The following PMPCB variants were observed in gnomAD, a reference collection of about 807,000 sequenced individuals.
PMPCB encodes the protein peptidase, mitochondrial processing subunit beta.
A neutral mutation model predicts 61.5 loss-of-function variants in PMPCB; 46 were observed. The ratio of observed to expected loss-of-function variants is 0.75; its 90% CI spans 0.59 to 0.96. The LOEUF is 0.96. Ranked by LOEUF, PMPCB falls within the 40% of genes least tolerant of loss-of-function variation. The pLI is 0.00. For synonymous variants in PMPCB, 191 were observed against 201.6 expected, an observed-to-expected ratio of 0.95 and a Z score of 0.44; for missense variants, 590 against 602.4, an observed-to-expected ratio of 0.98 and a Z score of 0.22.
At chr7:103,325,392 G>C (rs541898394) in intron 12 of PMPCB, among the ~76,000 whole-genome samples, 1 of 151,862 alleles carries the variant, frequency 6.6e-6, no homozygotes, top group Admixed American at 6.6e-5. Flanking sequence ...AGCCGAGATT[G>C]TGCCACTGCA....
At position 103,327,285 on chromosome 7, in the gene PMPCB, A is replaced by G. The variant is rs753592099; in HGVS notation, c.*1432-1646A>G. The G allele has an allele frequency of 6.2e-5, 28 of 452,494 alleles. No individual in the cohort carries two copies. In the South Asian group the frequency reaches 8.8e-4, roughly 14 times the overall value. 28.0% of individuals were successfully genotyped at this position (452,494 alleles called of 1,614,324 possible). A position where few individuals can be genotyped will look rare whatever the true frequency, so the allele number is the denominator to read the frequency against. On this transcript the variant is annotated intron_variant and NMD_transcript_variant, in intron 12 of 12. Transcript: ENST00000444457. Reference sequence around the variant, plus strand: ...TTAGTCCCATAAAGCATCTGAAACGAAAAAAAAAAAAATCTTAGTATTCTC... The same window carrying G: ...TTAGTCCCATAAAGCATCTGAAACGGAAAAAAAAAAAATCTTAGTATTCTC...
chr7:103,317,775 C>T (rs924858356), downstream of PMPCB, among the ~76,000 whole-genome samples: 1 of 152,068 alleles, frequency 6.6e-6, no homozygotes, highest in Non-Finnish European at 1.5e-5. Context: ...CTCAGCCTCC[C>T]AAGTAGCTGG....
the PMPCB span, chr7:103,344,156 G>A: frequency 3.5e-5 from 7 of 199,204 alleles, no homozygotes; most frequent in Non-Finnish European, 7.1e-5. Context: ...GAGGGAGAAA[G>A]TTGTTTAAGA....
intron 1 of PMPCB, 176 bp downstream of exon 1, chr7:103,297,734 G>A: frequency 6.5e-7 from 1 of 1,534,274 alleles, no homozygotes. Context: ...ACTGGCTTGT[G>A]GCCACCCGCC....
intron 12 of PMPCB, among the ~76,000 whole-genome samples, chr7:103,328,397 G>A (rs919349906): frequency 2.6e-5 from 4 of 151,922 alleles, no homozygotes; most frequent in Admixed American, 2.0e-4. Flanking sequence ...TTGGGAGGCC[G>A]AGCTGGGAGG....
At position 103,300,273 on chromosome 7, in the gene PMPCB, C is replaced by G. The variant is rs1366756089; in HGVS notation, c.423C>G (p.Tyr141Ter). ...NAYTSREQTV[Y>*]YAKAFSKDLP... ...ATACCTCCAGAGAGCAGACTGTATA[C>G]TATGCCAAAGCATTCTCTAAAGACT... is the stretch of plus-strand genomic sequence containing the variant. Residue 141 changes from tyrosine (Y) to a stop codon, truncating the protein, a stop_gained, in exon 4 of 13, where the codon TAC (tyrosine) becomes TAG (stop). Coordinates refer to ENST00000249269, the MANE Select transcript of PMPCB (RefSeq NM_004279.3). LOFTEE classifies it high-confidence loss of function. The G allele has an allele frequency of 6.2e-7, 1 of 1,610,486 alleles. No homozygotes were observed. Among genetic ancestry groups the G allele is most frequent in the Non-Finnish European group, 8.5e-7 (1 of 1,177,746 alleles).
chr7:103,336,221 T>C, the PMPCB span: 1 of 152,242 alleles, frequency 6.6e-6, no homozygotes, highest in Non-Finnish European at 1.5e-5. Flanking sequence ...TTACAATTTA[T>C]TGCACATTTT....
At chr7:103,344,783 G>T in the PMPCB span, 1 of 682,148 alleles carries the variant, frequency 1.5e-6, no homozygotes, top group South Asian at 1.7e-5. Flanking sequence ...CTTCCGGGAT[G>T]GATCTTTCGT....
At chr7:103,325,700 C>A (rs1490147365) in intron 12 of PMPCB, among the ~76,000 whole-genome samples, 1 of 152,086 alleles carries the variant, frequency 6.6e-6, no homozygotes, top group Non-Finnish European at 1.5e-5. Flanking sequence ...TTTAAGGGAA[C>A]CTGCCAATGC....
At chr7:103,298,471 C>A in intron 1 of PMPCB, 97 bp from the exon 2 acceptor site, 1 of 1,183,440 alleles carries the variant, frequency 8.4e-7, no homozygotes, top group Non-Finnish European at 1.2e-6. Flanking sequence ...TTTATAGAGA[C>A]AGCCTATTTA....
At chr7:103,341,570 T>C in the PMPCB span, among the ~76,000 whole-genome samples, 1 of 152,216 alleles carries the variant, frequency 6.6e-6, no homozygotes, top group Non-Finnish European at 1.5e-5. Context: ...TGTGAACTCT[T>C]CCTGGATTTC....
intron 4 of PMPCB, among the ~76,000 whole-genome samples, chr7:103,303,530 C>T (rs1025387714): frequency 8.5e-5 from 13 of 152,192 alleles, no homozygotes; most frequent in Admixed American, 3.3e-4. Context: ...ATATATATAA[C>T]TTTGTAATTT....
At chr7:103,336,660 G>A in the PMPCB span, 2 of 152,164 alleles carry the variant, frequency 1.3e-5, no homozygotes, top group Non-Finnish European at 2.9e-5. Context: ...CTATTCTTTC[G>A]TATAGTAAAA....
Position 103,311,813 on chromosome 7 carries a change from A to G in PMPCB, c.1246A>G (p.Thr416Ala), listed in dbSNP as rs184313811. The G allele has an allele frequency of 3.7e-6, 6 of 1,611,404 alleles. No individual in the cohort carries two copies. In the Admixed American group the frequency reaches 5.0e-5, roughly 13 times the overall value. The change falls in exon 11 of 13, where the codon ACT (threonine) becomes GCT (alanine). Residue 416 changes from threonine to alanine, a missense_variant. Physicochemically the swap from Thr to Ala is moderately conservative, Grantham distance 58. Transcript: ENST00000249269. Reference protein sequence around the residue: ...TNMLLQLDGSTPICEDIGRQM... With the variant: ...TNMLLQLDGSAPICEDIGRQM... The stretch of plus-strand genomic sequence containing the variant: ...TTTTCCTTCTCTTTAAACAGGTTCA[A>G]CTCCAATTTGTGAAGATATTGGTAG...
rs774591084 is a variant in PMPCB, at chr7:103,311,918, T to C, written c.1329+22T>C. On this transcript the variant is annotated intron_variant, in intron 11 of 12. Coordinates refer to ENST00000249269, the MANE Select transcript of PMPCB (RefSeq NM_004279.3). ...TGATGTAAGTAGTCCTGAGTTACTA[T>C]TGGGTCATGTGTAAAAAGATCCTTG... 3.9e-6 allele frequency: 6 copies of C among 1,542,270 alleles called. No individual in the cohort carries two copies. In the East Asian group the frequency reaches 6.7e-5, roughly 17 times the overall value.
intron 12 of PMPCB, among the ~76,000 whole-genome samples, chr7:103,328,053 T>C (rs919321009): frequency 6.6e-6 from 1 of 152,040 alleles, no homozygotes; most frequent in Non-Finnish European, 1.5e-5. Flanking sequence ...CTGGAGTAAC[T>C]GGGGTTACAG....
rs777662492 is a variant in PMPCB at position 103,312,896 on chromosome 7, C to G, written c.*625C>G. 46 of 1,576,482 alleles carry G rather than the reference C, an allele frequency of 2.9e-5. No individual in the cohort carries two copies. The highest frequency in any genetic ancestry group is 3.5e-5 in the Non-Finnish European group (41 of 1,166,548). ...TAGACATAAAATATGAGCTATATCA[C>G]CCAAGCTACAATTTAAAATACAACA... On this transcript the variant is annotated 3_prime_UTR_variant, in exon 13 of 13. Transcript: ENST00000249269.
At chr7:103,343,530 G>A in the PMPCB span, among the ~76,000 whole-genome samples, 1 of 152,176 alleles carries the variant, frequency 6.6e-6, no homozygotes, top group African/African-American at 2.4e-5. Context: ...GTCTTCACCT[G>A]TAAAATGGGA....
chr7:103,313,360 C>A lies in PMPCB; in HGVS notation c.*1089C>A. 8.8e-7 allele frequency: 1 copy of A among 1,140,360 alleles called. No individual in the cohort carries two copies. Among genetic ancestry groups the A allele is most frequent in the South Asian group, 3.9e-5 (1 of 25,880 alleles). 70.6% of individuals were successfully genotyped at this position (1,140,360 alleles called of 1,614,324 possible). A position where few individuals can be genotyped will look rare whatever the true frequency, so the allele number is the denominator to read the frequency against. The stretch of plus-strand genomic sequence containing the variant: ...AAGATCTACCTTGTACTGTTTATCT[C>A]TTAAAAATCAATGTAATACACTCAC... On this transcript the variant is annotated 3_prime_UTR_variant, in exon 13 of 13. Coordinates refer to ENST00000249269, the MANE Select transcript of PMPCB (RefSeq NM_004279.3).
Sources: allele counts gnomAD v4.1 joint callset (sites outside exome capture counted in the v4.1 genomes callset), GRCh38; gene constraint gnomAD v4.1.1; transcripts MANE v1.5; gene names NCBI Gene and HGNC (gene_info 2026-07-23, HGNC 2026-07-21).